The following SEM1 variants were observed in gnomAD, a reference collection of about 807,000 sequenced individuals.
SEM1 encodes the protein SEM1 26S proteasome subunit, also known as 26S proteasome complex subunit SEM1.
A neutral mutation model predicts 12.7 loss-of-function variants in SEM1; 3 were observed. The ratio of observed to expected loss-of-function variants is 0.24; its 90% CI spans 0.11 to 0.61. SEM1 has a LOEUF of 0.61. Ranked by LOEUF, SEM1 falls within the 20% of genes least tolerant of loss-of-function variation. SEM1 has a pLI of 0.88. For synonymous variants in SEM1, 30 were observed against 27.8 expected (o/e 1.08, Z -0.25); for missense variants, 59 against 81.3 (o/e 0.73, Z 1.06).
chr7:96,640,763 A>T lies in SEM1; in HGVS notation c.171-18120T>A, dbSNP rs1808565391. Among the ~76,000 whole-genome samples the T allele has an allele frequency of 6.6e-6, 1 of 151,970 alleles. No individual in the cohort carries two copies. Among genetic ancestry groups the T allele is most frequent in the South Asian group, 2.1e-4 (1 of 4,830 alleles). ...TTACTGGAAGTTCATTAGCTGTAAC[A>T]AATGTACCACTCTGTGGGGATGCTA... On this transcript the variant is annotated intron_variant, in intron 2 of 2. Transcript: ENST00000417009. This position sits in a 1 kb window ranked among gnomAD's most constrained non-coding sequence, Gnocchi z 4.0.
intron 2 of SEM1, among the ~76,000 whole-genome samples, chr7:96,579,591 T>C (rs1029511930): frequency 6.6e-6 from 1 of 152,210 alleles, no homozygotes; most frequent in Non-Finnish European, 1.5e-5. Flanking sequence ...TCCTGAATTA[T>C]GATGTCAAAA....
intron 2 of SEM1, among the ~76,000 whole-genome samples, chr7:96,586,609 T>C (rs906701577): frequency 1.3e-5 from 2 of 152,184 alleles, no homozygotes; most frequent in African/African-American, 4.8e-5. Flanking sequence ...TTAATCTCTA[T>C]TCTCCAAAAA....
At chr7:96,501,931 A>G (rs1277519339) in intron 3 of SEM1, among the ~76,000 whole-genome samples, 1 of 151,970 alleles carries the variant, frequency 6.6e-6, no homozygotes, top group Non-Finnish European at 1.5e-5. Flanking sequence ...CTTTATATCC[A>G]TGAGTACCCA....
chr7:96,496,261 A>G, intron 1 of SEM1: 1 of 1,454,724 alleles, frequency 6.9e-7, no homozygotes, highest in Non-Finnish European at 9.3e-7. Flanking sequence ...CCACATATTG[A>G]TATAATCCAT....
At chr7:96,652,731 T>C (rs1412021225) in intron 2 of SEM1, among the ~76,000 whole-genome samples, 1 of 152,224 alleles carries the variant, frequency 6.6e-6, no homozygotes, top group East Asian at 1.9e-4. Flanking sequence ...CAATTTGTAC[T>C]CAAATTATTT....
intron 2 of SEM1, among the ~76,000 whole-genome samples, chr7:96,626,168 AC>A (rs1389426087): frequency 6.6e-6 from 1 of 151,348 alleles, no homozygotes; most frequent in Non-Finnish European, 1.5e-5. Flanking sequence ...CCCCTTCCAA[AC>A]CCCCATTGAC....
intron 2 of SEM1, among the ~76,000 whole-genome samples, chr7:96,634,104 A>C (rs893556932): frequency 6.6e-6 from 1 of 152,162 alleles, no homozygotes; most frequent in Non-Finnish European, 1.5e-5. Flanking sequence ...AGCTGACTTA[A>C]CAAGAAACAC....
chr7:96,503,807 G>T (rs1563034485), intron 3 of SEM1, among the ~76,000 whole-genome samples: 2 of 152,108 alleles, frequency 1.3e-5, no homozygotes, highest in Non-Finnish European at 1.5e-5. Flanking sequence ...GACATTAGTT[G>T]TTGGTAAAGT....
At position 96,680,949 on chromosome 7, in the gene SEM1, G is replaced by A. The variant is rs533936655; in HGVS notation, c.171-7090C>T. On this transcript the variant is annotated intron_variant, in intron 2 of 2. Coordinates refer to the SEM1 transcript ENST00000413065. ...ATTGGAGAGCAATTTTTAGGAGGTCGTGTTGTAGAATAATCAAGTAGATAC... is the reference window on the plus strand; with the variant it reads ...ATTGGAGAGCAATTTTTAGGAGGTCATGTTGTAGAATAATCAAGTAGATAC... Among the ~76,000 whole-genome samples the A allele has an allele frequency of 2.2e-4, 34 of 152,172 alleles. No individual in the cohort carries two copies. In the South Asian group the frequency reaches 4.8e-3, roughly 21 times the overall value.
chr7:96,645,691 A>G (rs1180400734), intron 2 of SEM1: 5 of 397,622 alleles, frequency 1.3e-5, no homozygotes, highest in African/African-American at 8.2e-5. Context: ...TTGAAGCCAC[A>G]TGGAGCCCCG....
chr7:96,704,010 C>CACACACACACATAT (rs1390081341), intron 1 of SEM1, among the ~76,000 whole-genome samples: 1 of 143,744 alleles, frequency 7.0e-6, no homozygotes, highest in African/African-American at 2.6e-5. Flanking sequence ...CACACACACA[C>CACACACACACATAT]ATACATAAAA....
At chr7:96,631,749 T>G (rs1006421099) in intron 2 of SEM1, among the ~76,000 whole-genome samples, 3 of 152,042 alleles carry the variant, frequency 2.0e-5, no homozygotes, top group Non-Finnish European at 4.4e-5. Flanking sequence ...AAAGAAACTA[T>G]CATCAGAGTG....
intron 2 of SEM1, among the ~76,000 whole-genome samples, chr7:96,545,282 C>A (rs1805072577): frequency 1.3e-5 from 2 of 152,070 alleles, no homozygotes; most frequent in East Asian, 3.9e-4. Flanking sequence ...TGTATTCTAA[C>A]TTTCTTACTA....
At chr7:96,534,261 G>A (rs972982504) in intron 2 of SEM1, among the ~76,000 whole-genome samples, 1 of 152,118 alleles carries the variant, frequency 6.6e-6, no homozygotes, top group African/African-American at 2.4e-5. Flanking sequence ...ACAAAATTTA[G>A]AATTTTGGAA....
At chr7:96,511,991 G>T (rs1443738847) in intron 2 of SEM1, among the ~76,000 whole-genome samples, 5 of 152,104 alleles carry the variant, frequency 3.3e-5, no homozygotes, top group African/African-American at 7.2e-5. Flanking sequence ...TTTCTGAAAA[G>T]CTTTGAGGTG....
chr7:96,542,009 T>C (rs1328640167), intron 2 of SEM1, among the ~76,000 whole-genome samples: 3 of 150,028 alleles, frequency 2.0e-5, no homozygotes, highest in African/African-American at 7.4e-5. Context: ...ATAGTGTAGC[T>C]TGAAGTTGAG....
intron 2 of SEM1, among the ~76,000 whole-genome samples, chr7:96,607,891 T>C (rs548689975): frequency 6.6e-6 from 1 of 152,306 alleles, no homozygotes; most frequent in South Asian, 2.1e-4. Flanking sequence ...TCAGCAAGCA[T>C]TGGTTGAGTG....
At chr7:96,593,116 C>T (rs573777053) in intron 2 of SEM1, among the ~76,000 whole-genome samples, 1 of 151,238 alleles carries the variant, frequency 6.6e-6, no homozygotes, top group African/African-American at 2.4e-5. Context: ...ATCTGAATAT[C>T]TGCGAGAGAC....
intron 2 of SEM1, among the ~76,000 whole-genome samples, chr7:96,616,042 C>T (rs969476997): frequency 6.6e-6 from 1 of 151,614 alleles, no homozygotes; most frequent in Non-Finnish European, 1.5e-5. Context: ...AATTTCTTTC[C>T]CATTGAGTAT....
Sources: allele counts gnomAD v4.1 joint callset (sites outside exome capture counted in the v4.1 genomes callset), GRCh38; gene constraint gnomAD v4.1.1; non-coding constraint Gnocchi (gnomAD v3.1); transcripts MANE v1.5; gene names NCBI Gene and HGNC (gene_info 2026-07-23, HGNC 2026-07-21).